Variants in ENO4 observed in about 807,000 individuals in gnomAD.
ENO4 encodes the protein enolase 4, also known as 2-phospho-D-glycerate hydro-lyase.
Under a neutral mutation model 63.2 loss-of-function variants are expected in ENO4, and 53 were observed. The observed-to-expected ratio is 0.84, with a 90% CI of 0.67 to 1.05. The LOEUF (loss-of-function observed/expected upper bound fraction) is 1.05, where lower values mean the gene tolerates loss of function less well. Ranked by LOEUF, ENO4 falls within the 50% of genes least tolerant of loss-of-function variation. The pLI, the probability that ENO4 is intolerant of heterozygous loss-of-function variation, is 0.00. For synonymous variants in ENO4, 266 were observed against 283.8 expected, an observed-to-expected ratio of 0.94 and a Z score of 0.63; for missense variants, 719 against 772.0, an observed-to-expected ratio of 0.93 and a Z score of 0.81.
At chr10:116,878,025 G>C (rs1339262689) in intron 11 of ENO4, among the ~76,000 whole-genome samples, 1 of 152,162 alleles carries the variant, frequency 6.6e-6, no homozygotes, top group Non-Finnish European at 1.5e-5. Flanking sequence ...AATGTCTTCA[G>C]CCACTCCTGC....
chr10:116,898,934 TC>T (rs1847620209), intron 10 of ENO4, among the ~76,000 whole-genome samples: 1 of 152,214 alleles, frequency 6.6e-6, no homozygotes, highest in African/African-American at 2.4e-5. Flanking sequence ...TTATATGGAA[TC>T]TATACATATG....
At chr10:116,851,041 C>A (rs751234210) in intron 1 of ENO4, among the ~76,000 whole-genome samples, 1 of 152,182 alleles carries the variant, frequency 6.6e-6, no homozygotes, top group Non-Finnish European at 1.5e-5. Flanking sequence ...TCTATTCTAA[C>A]GTCCTCATTT....
chr10:116,886,917 C>T (rs760253150), downstream of ENO4, among the ~76,000 whole-genome samples: 1 of 152,070 alleles, frequency 6.6e-6, no homozygotes, highest in Non-Finnish European at 1.5e-5. Context: ...CAGACCCCCA[C>T]CCGCCCTCAC....
chr10:116,904,776 T>A (rs1465354545), intron 10 of ENO4, among the ~76,000 whole-genome samples: 1 of 152,216 alleles, frequency 6.6e-6, no homozygotes, highest in African/African-American at 2.4e-5. Context: ...AACTCTGAAA[T>A]GTGAGTATTG....
At chr10:116,900,872 T>G (rs968398471) in intron 10 of ENO4, 1 of 985,056 alleles carries the variant, frequency 1.0e-6, no homozygotes, top group African/African-American at 1.7e-5. Context: ...AAAAAGTTAA[T>G]AGTAGCAATG....
At chr10:116,870,416 G>A (rs1418632305) in intron 8 of ENO4, among the ~76,000 whole-genome samples, 1 of 152,104 alleles carries the variant, frequency 6.6e-6, no homozygotes, top group Non-Finnish European at 1.5e-5. Flanking sequence ...ACAGCACTTT[G>A]GGAGTGCTGA....
At chr10:116,909,978 G>C (rs184001401) in intron 10 of ENO4, among the ~76,000 whole-genome samples, 25 of 152,204 alleles carry the variant, frequency 1.6e-4, no homozygotes, top group Non-Finnish European at 3.1e-4. Flanking sequence ...TGCCATGATT[G>C]TGAGGTTGGG....
intron 10 of ENO4, chr10:116,900,994 A>C (rs917042341): frequency 1.3e-5 from 13 of 985,320 alleles, no homozygotes; most frequent in Non-Finnish European, 1.4e-5. Context: ...AGAGTTACAA[A>C]AAAGGGGTTC....
At chr10:116,893,727 G>A (rs978968202) in intron 10 of ENO4, among the ~76,000 whole-genome samples, 4 of 152,030 alleles carry the variant, frequency 2.6e-5, no homozygotes. Context: ...AACAAAACAT[G>A]ACCCCAAACC....
intron 7 of ENO4, 84 bp from the exon 8 acceptor site, chr10:116,868,566 C>A: frequency 8.9e-7 from 1 of 1,119,770 alleles, no homozygotes; most frequent in South Asian, 1.3e-5. Flanking sequence ...TGTTGCTGGT[C>A]AGGTCTCAGA....
chr10:116,871,172 CT>C lies in ENO4; in HGVS notation c.1096del (p.Cys366ValfsTer4), dbSNP rs1482522587. 2 of 1,550,400 alleles carry C rather than the reference CT, an allele frequency of 1.3e-6. No homozygotes were observed. The highest frequency in any genetic ancestry group is 2.4e-5 in the East Asian group (1 of 40,926). On this transcript the variant is annotated frameshift_variant, in exon 9 of 14. Coordinates refer to ENST00000341276, the MANE Select transcript of ENO4 (RefSeq NM_001242699.2). LOFTEE classifies it high-confidence loss of function. ...CTCATCTTGGCTGTTTAACCATTAA[CT>C]GTGACTCCATAGAACAGCCACTGCT... ...MSHLGCLTIN[C>X]DSIEQPLLLI...
chr10:116,849,924 C>T (rs1367266014), intron 1 of ENO4, 193 bp downstream of exon 1: 15 of 744,978 alleles, frequency 2.0e-5, no homozygotes, highest in Non-Finnish European at 3.3e-5. Context: ...GGGATCTCCC[C>T]AGAGAAAGTG....
chr10:116,853,066 C>T lies in ENO4; in HGVS notation c.166-2557C>T, dbSNP rs563655418. 1.2e-3 allele frequency among the ~76,000 whole-genome samples: 185 copies of T among 152,154 alleles called. 2 individuals are homozygous for T. Among genetic ancestry groups the T allele is most frequent in the African/African-American group, 4.0e-3 (167 of 41,520 alleles). Reference sequence around the variant, plus strand: ...ATCCCAGCACTTTGGGAGGCTGAGGCGGGCGGATCACAAGGTCAGGAGATC... The same window carrying T: ...ATCCCAGCACTTTGGGAGGCTGAGGTGGGCGGATCACAAGGTCAGGAGATC... On this transcript the variant is annotated intron_variant, in intron 1 of 13. Transcript: ENST00000341276.
chr10:116,892,218 A>G (rs1302555721), intron 10 of ENO4, among the ~76,000 whole-genome samples: 1 of 152,182 alleles, frequency 6.6e-6, no homozygotes, highest in Non-Finnish European at 1.5e-5. Flanking sequence ...TGTACCTTGT[A>G]GGATATTATC....
At position 116,861,161 on chromosome 10, in the gene ENO4, A is replaced by G. The variant is rs750508798; in HGVS notation, c.907A>G (p.Ile303Val). 3.5e-5 allele frequency: 54 copies of G among 1,538,030 alleles called. No individual in the cohort carries two copies. Among genetic ancestry groups the G allele is most frequent in the Non-Finnish European group, 4.4e-5 (50 of 1,138,930 alleles). The stretch of plus-strand genomic sequence containing the variant: ...AAATTTAATGAAAGAAGTGATTTGT[A>G]TACCCCATCCTGAATTAACAACCAA... ...KLNLMKEVIC[I>V]PHPELTTKQG... Residue 303 changes from isoleucine to valine, a missense_variant, in exon 6 of 14, where the codon ATA (isoleucine) becomes GTA (valine). Ile to Val is a conservative substitution (Grantham distance 29, BLOSUM62 3). Transcript: ENST00000341276.
At chr10:116,853,136 A>G (rs975106824) in intron 1 of ENO4, among the ~76,000 whole-genome samples, 2 of 152,078 alleles carry the variant, frequency 1.3e-5, no homozygotes, top group African/African-American at 2.4e-5. Context: ...TCTACTAAAA[A>G]TACAAAAAAT....
At chr10:116,867,155 T>C (rs915140836) in intron 7 of ENO4, among the ~76,000 whole-genome samples, 13 of 152,178 alleles carry the variant, frequency 8.5e-5, no homozygotes, top group African/African-American at 3.1e-4. Flanking sequence ...AATAGAGTGA[T>C]AGTTCCTGAT....
intron 7 of ENO4, among the ~76,000 whole-genome samples, chr10:116,863,759 G>T (rs1302997126): frequency 6.6e-6 from 1 of 152,188 alleles, no homozygotes; most frequent in African/African-American, 2.4e-5. Context: ...CCCCTGCCGC[G>T]ATGGTGGTTG....
intron 10 of ENO4, among the ~76,000 whole-genome samples, chr10:116,903,288 T>TAA (rs1847820344): frequency 1.3e-5 from 2 of 150,336 alleles, no homozygotes; most frequent in Non-Finnish European, 2.9e-5. Context: ...ATCCCAGCAC[T>TAA]TTGAGAGGCC....
Sources: gnomAD v4.1 joint callset for allele counts (sites outside exome capture counted in the v4.1 genomes callset) on GRCh38, gnomAD v4.1.1 for gene constraint, MANE v1.5 for transcripts, NCBI Gene and HGNC (gene_info 2026-07-23, HGNC 2026-07-21) for gene names.